Variants in RIGI observed in about 807,000 individuals in gnomAD.
RIGI encodes the protein antiviral innate immune response receptor RIG-I.
chr9:32,487,986 G>C, the RIGI span: 1 of 1,614,104 alleles, frequency 6.2e-7, no homozygotes, highest in South Asian at 1.1e-5. Flanking sequence ...TTCTGATCTA[G>C]ATAATTAAAC....
the RIGI span, among the ~76,000 whole-genome samples, chr9:32,475,944 A>T: frequency 6.6e-6 from 1 of 152,118 alleles, no homozygotes; most frequent in Non-Finnish European, 1.5e-5. Flanking sequence ...TTTTTGTCAG[A>T]CTATAAAAAG....
At chr9:32,485,431 G>C in the RIGI span, 1 of 650,526 alleles carries the variant, frequency 1.5e-6, no homozygotes, top group Non-Finnish European at 2.7e-6. Flanking sequence ...ACTGGCAGGT[G>C]GTCCAGATGA....
the RIGI span, among the ~76,000 whole-genome samples, chr9:32,519,825 G>A: frequency 2.0e-5 from 3 of 151,880 alleles, no homozygotes; most frequent in African/African-American, 4.8e-5. Flanking sequence ...ACTTTCTAGT[G>A]TTTTTTTTAT....
At chr9:32,501,404 C>G in the RIGI span, among the ~76,000 whole-genome samples, 12 of 151,280 alleles carry the variant, frequency 7.9e-5, no homozygotes, top group Admixed American at 7.9e-4. Context: ...ACTTTGGAGG[C>G]TGAGGTGGGA....
At chr9:32,460,202 TC>T in the RIGI span, among the ~76,000 whole-genome samples, 4 of 152,146 alleles carry the variant, frequency 2.6e-5, no homozygotes, top group Non-Finnish European at 5.9e-5. Flanking sequence ...TTCTGAGGCC[TC>T]CCCAGCCATG....
the RIGI span, chr9:32,481,557 T>C: frequency 8.2e-7 from 1 of 1,213,538 alleles, no homozygotes; most frequent in Non-Finnish European, 1.1e-6. Context: ...TTTAGGGTTA[T>C]AAACAGGCCT....
At chr9:32,507,084 T>C in the RIGI span, among the ~76,000 whole-genome samples, 1 of 152,194 alleles carries the variant, frequency 6.6e-6, no homozygotes, top group East Asian at 1.9e-4. Flanking sequence ...TTCTGGGATA[T>C]AGAATAATAG....
chr9:32,496,845 T>A, the RIGI span, among the ~76,000 whole-genome samples: 1 of 152,336 alleles, frequency 6.6e-6, no homozygotes, highest in Non-Finnish European at 1.5e-5. Context: ...CTTTCCCCAT[T>A]GAGTGGTCTT....
chr9:32,465,665 G>A, the RIGI span, among the ~76,000 whole-genome samples: 1 of 152,186 alleles, frequency 6.6e-6, no homozygotes, highest in Non-Finnish European at 1.5e-5. Context: ...ATAGAACTGG[G>A]ATTTGAACCA....
the RIGI span, chr9:32,488,887 C>T: frequency 6.3e-7 from 1 of 1,594,528 alleles, no homozygotes; most frequent in Admixed American, 1.8e-5. Context: ...TTTTCCACAA[C>T]CTTTTAACAT....
the RIGI span, chr9:32,481,564 G>C: frequency 8.8e-7 from 1 of 1,142,672 alleles, no homozygotes; most frequent in Non-Finnish European, 1.2e-6. Context: ...TTATAAACAG[G>C]CCTCACCCTC....
chr9:32,516,707 C>A, the RIGI span, among the ~76,000 whole-genome samples: 1 of 152,298 alleles, frequency 6.6e-6, no homozygotes, highest in Admixed American at 6.5e-5. Flanking sequence ...GAAAGGGAAG[C>A]ACCCTGACTC....
chr9:32,500,073 A>G, the RIGI span, among the ~76,000 whole-genome samples: 10 of 152,288 alleles, frequency 6.6e-5, no homozygotes, highest in East Asian at 7.7e-4. Context: ...TTCTGTTTCA[A>G]TGGTCAGTTT....
the RIGI span, among the ~76,000 whole-genome samples, chr9:32,491,031 C>T: frequency 6.6e-6 from 1 of 151,616 alleles, no homozygotes; most frequent in Non-Finnish European, 1.5e-5. Flanking sequence ...ACTCTATTTG[C>T]ATTTCCAATA....
the RIGI span, among the ~76,000 whole-genome samples, chr9:32,511,169 T>C: frequency 6.6e-6 from 1 of 151,660 alleles, no homozygotes; most frequent in African/African-American, 2.4e-5. Context: ...CTGTCAATAA[T>C]AGATCAACAA....
At chr9:32,488,897 T>A in the RIGI span, 1 of 1,585,676 alleles carries the variant, frequency 6.3e-7, no homozygotes, top group African/African-American at 1.4e-5. Flanking sequence ...CCTTTTAACA[T>A]GTAAGGAAAA....
At chr9:32,482,007 G>A in the RIGI span, among the ~76,000 whole-genome samples, 1 of 152,148 alleles carries the variant, frequency 6.6e-6, no homozygotes, top group Non-Finnish European at 1.5e-5. Flanking sequence ...ACCTGAGGTG[G>A]GAGGAGTAAG....
chr9:32,498,037 C>G, the RIGI span, among the ~76,000 whole-genome samples: 1 of 152,176 alleles, frequency 6.6e-6, no homozygotes, highest in Non-Finnish European at 1.5e-5. Context: ...CAGAAACCAG[C>G]CCTTTGGAAA....
chr9:32,475,328 A>G, the RIGI span, among the ~76,000 whole-genome samples: 1 of 152,212 alleles, frequency 6.6e-6, no homozygotes, highest in Admixed American at 6.5e-5. Flanking sequence ...TAAAATGTAT[A>G]TAGAAAGGCA....
Sources: gnomAD v4.1 joint callset for allele counts (sites outside exome capture counted in the v4.1 genomes callset) on GRCh38, gnomAD v4.1.1 for gene constraint, MANE v1.5 for transcripts, NCBI Gene and HGNC (gene_info 2026-07-23, HGNC 2026-07-21) for gene names.